TEPSIN: variants seen among roughly 807,000 people sequenced by gnomAD.
TEPSIN encodes AP-4 complex accessory subunit tepsin.
In TEPSIN, 50 loss-of-function variants were observed where a neutral mutation model predicts 48.5. That is an observed-to-expected ratio of 1.03 (90% confidence interval 0.82 to 1.31). The LOEUF is 1.31. TEPSIN is among the 50% of genes most tolerant of loss of function. The pLI, the probability that TEPSIN is intolerant of heterozygous loss-of-function variation, is 0.00. For missense variants in TEPSIN, 838 were observed against 815.9 expected (o/e 1.03, Z -0.33); for synonymous variants, 392 against 358.8 (o/e 1.09, Z -1.05).
chr17:81,231,033 ACGC>A (rs1299208431), intron 11 of TEPSIN: 4 of 443,170 alleles, frequency 9.0e-6, no homozygotes, highest in Admixed American at 4.4e-5. Flanking sequence ...ATTCCTCCGC[ACGC>A]CCCCCGACAC....
At position 81,236,965 on chromosome 17, in the gene TEPSIN, C is replaced by T. The variant is rs778701302; in HGVS notation, c.213+15G>A. On this transcript the variant is annotated intron_variant, in intron 3 of 12. Coordinates refer to ENST00000637944, the MANE Select transcript of TEPSIN (RefSeq NM_001363764.2). ...CCGGGCCTCAGGCCTGACCCTTGAC[C>T]ACCCAGGGGCTCACCTTGAGCTTCC... 7.0e-6 allele frequency: 11 copies of T among 1,562,626 alleles called. No homozygotes were observed. Among genetic ancestry groups the T allele is most frequent in the South Asian group, 1.2e-5 (1 of 85,504 alleles).
rs369241169 is a variant in TEPSIN at position 81,233,838 on chromosome 17, A to G, written c.376-122T>C. 5.3e-5 allele frequency: 73 copies of G among 1,368,298 alleles called. No homozygotes were observed. The East Asian group carries it at 6.1e-4, about 11-fold the overall frequency. 84.8% of individuals were successfully genotyped at this position (1,368,298 alleles called of 1,614,324 possible). A position where few individuals can be genotyped will look rare whatever the true frequency, so the allele number is the denominator to read the frequency against. The stretch of plus-strand genomic sequence containing the variant: ...TCTCCTGAGCCACTCAGCTGGACAC[A>G]GGCTCTGTGTCCACCAGCAAGGAGC... On this transcript the variant is annotated intron_variant, in intron 5 of 12. Transcript: ENST00000637944. The surrounding 1 kb of genome is among the most constrained non-coding windows in gnomAD (Gnocchi z 5.8).
In TEPSIN at chr17:81,230,716, C is replaced by A; in HGVS notation, c.1099-38G>T. On this transcript the variant is annotated intron_variant, in intron 11 of 12. Transcript: ENST00000637944. The surrounding 1 kb of genome is among the most constrained non-coding windows in gnomAD (Gnocchi z 4.2). ...GGAGGGGACATCAGCACCCATGGGG[C>A]AGCAGGTCCACGCCAGGGAGGCCTA... 6.7e-7 allele frequency: 1 copy of A among 1,487,506 alleles called. No individual in the cohort carries two copies. Among genetic ancestry groups the A allele is most frequent in the South Asian group, 1.4e-5 (1 of 73,364 alleles). The allele number at this position is 1,487,506 out of a possible 1,614,324, so 92.1% of individuals were successfully genotyped here.
intron 11 of TEPSIN, chr17:81,231,055 A>G (rs925813482): frequency 2.0e-6 from 1 of 508,950 alleles, no homozygotes; most frequent in Non-Finnish European, 3.5e-6. Context: ...ACACGCACAC[A>G]CGTGTCCACA....
In TEPSIN at chr17:81,230,195, T is replaced by C. The variant is rs2062560868; in HGVS notation, c.1233+349A>G. 3.4e-6 allele frequency: 1 copy of C among 290,552 alleles called. No homozygotes were observed. The highest frequency in any genetic ancestry group is 6.5e-6 in the Non-Finnish European group (1 of 152,908). 18.0% of individuals were successfully genotyped at this position (290,552 alleles called of 1,614,324 possible). ...TGGGAGTTGAGCATGAGCTGTGTCA[T>C]GGGTGGCAAACTGCATGTGCAGTCA... On this transcript the variant is annotated intron_variant, in intron 12 of 12. Transcript: ENST00000637944. The surrounding 1 kb of genome is among the most constrained non-coding windows in gnomAD (Gnocchi z 4.2).
Position 81,231,875 on chromosome 17 carries a change from T to C in TEPSIN, c.877A>G (p.Ser293Gly). 6.2e-7 allele frequency: 1 copy of C among 1,613,634 alleles called. No individual in the cohort carries two copies. The highest frequency in any genetic ancestry group is 8.5e-7 in the Non-Finnish European group (1 of 1,180,016). Reference sequence around the variant, plus strand: ...TCTGCCAGGTCACCCGGCTCCCGGCTGGCCCCTGAATGGCTGTCGCTGCCG... The same window carrying C: ...TCTGCCAGGTCACCCGGCTCCCGGCCGGCCCCTGAATGGCTGTCGCTGCCG... ...HSGSDSHSGASREPGDLAERV... is the reference protein window; with the variant it reads ...HSGSDSHSGAGREPGDLAERV... Residue 293 changes from serine to glycine, a missense_variant, in exon 9 of 13, where the codon AGC (serine) becomes GGC (glycine). Physicochemically the swap from Ser to Gly is moderately conservative, Grantham distance 56 (BLOSUM62 0). Transcript: ENST00000637944.
At position 81,236,804 on chromosome 17, in the gene TEPSIN, G is replaced by A. The variant is rs1012794750; in HGVS notation, c.214-3C>T. Reference sequence around the variant, plus strand: ...AGATAGAGCAGGATCTTCAGCACCTGGGGAGTGGGGCGGTCAGCAGTGCTG... The same window carrying A: ...AGATAGAGCAGGATCTTCAGCACCTAGGGAGTGGGGCGGTCAGCAGTGCTG... On this transcript the variant is annotated splice_region_variant and splice_polypyrimidine_tract_variant and intron_variant, in intron 3 of 12. Coordinates refer to ENST00000637944, the MANE Select transcript of TEPSIN (RefSeq NM_001363764.2). 6 of 1,561,424 alleles carry A rather than the reference G, an allele frequency of 3.8e-6. No homozygotes were observed. Among genetic ancestry groups the A allele is most frequent in the Middle Eastern group, 1.7e-4 (1 of 5,984 alleles).
At position 81,234,088 on chromosome 17, in the gene TEPSIN, C is replaced by G; in HGVS notation, c.308-40G>C. On this transcript the variant is annotated intron_variant, in intron 4 of 12. Transcript: ENST00000637944. This position sits in a 1 kb window ranked among gnomAD's most constrained non-coding sequence, Gnocchi z 5.4. The stretch of plus-strand genomic sequence containing the variant: ...AGGCAAGTCGGGGGCAGGGCTGAGC[C>G]TGGCACCGCTGCTCCCTGTGGAGCA... 1 of 1,530,086 alleles carries G rather than the reference C, an allele frequency of 6.5e-7. No homozygotes were observed. Among genetic ancestry groups the G allele is most frequent in the Non-Finnish European group, 8.8e-7 (1 of 1,141,748 alleles). The allele number at this position is 1,530,086 out of a possible 1,614,324, so 94.8% of individuals were successfully genotyped here.
At chr17:81,238,838 CA>C (rs2062773462) in intron 1 of TEPSIN, 147 bp downstream of exon 1, 1 of 1,349,434 alleles carries the variant, frequency 7.4e-7, no homozygotes. Flanking sequence ...GCGGGCAGCT[CA>C]GGGGCGTCGG....
At chr17:81,238,675 C>T (rs1222132286) in intron 1 of TEPSIN, 4 of 1,192,546 alleles carry the variant, frequency 3.4e-6, no homozygotes, top group African/African-American at 1.6e-5. Flanking sequence ...TCCACGTCCA[C>T]CGGGTCCGCC....
At position 81,235,081 on chromosome 17, in the gene TEPSIN, C is replaced by G. The variant is rs568026037; in HGVS notation, c.308-1033G>C. Among the ~76,000 whole-genome samples the G allele has an allele frequency of 2.0e-5, 3 of 152,286 alleles. No homozygotes were observed. In the South Asian group the frequency reaches 6.2e-4, roughly 32 times the overall value. On this transcript the variant is annotated intron_variant, in intron 4 of 12. Transcript: ENST00000637944. ...AGCTTCGAGAAAACCCACCTCCAGG[C>G]TGAAAAGATGCCTGCCCCAAGATAA...
chr17:81,231,684 C>T lies in TEPSIN; in HGVS notation c.913G>A (p.Val305Met). The change falls in exon 10 of 13, where the codon GTG (valine) becomes ATG (methionine). Residue 305 changes from valine (V) to methionine (M), a missense_variant. Val to Met is a conservative substitution (Grantham distance 21). Transcript: ENST00000637944. ...TGCTGACAGTCACTCAGGGCCACCA[C>T]CTCGACCCTGCCAGGGGGAATGGCC... is the stretch of plus-strand genomic sequence containing the variant. ...EPGDLAERVEVVALSDCQQEL... is the reference protein window; with the variant it reads ...EPGDLAERVEMVALSDCQQEL... 1.9e-6 allele frequency: 3 copies of T among 1,611,866 alleles called. No homozygotes were observed. Among genetic ancestry groups the T allele is most frequent in the Non-Finnish European group, 1.7e-6 (2 of 1,179,158 alleles).
intron 4 of TEPSIN, 60 bp downstream of exon 4, chr17:81,236,647 GC>G: frequency 6.7e-7 from 1 of 1,486,690 alleles, no homozygotes; most frequent in Admixed American, 2.0e-5. Context: ...TGGAGGATCC[GC>G]CACCCTCCCC....
Position 81,236,712 on chromosome 17 carries a change from A to C in TEPSIN, c.303T>G (p.Ala101=). 6.4e-7 allele frequency: 1 copy of C among 1,561,470 alleles called. No individual in the cohort carries two copies. The highest frequency in any genetic ancestry group is 8.7e-7 in the Non-Finnish European group (1 of 1,153,362). ...LKRNSAFIQE[A]AAFAGPPDPL... ...GCGCGTGCGCGGCCCCTGTACCTGC[A>C]GCTTCCTGGATGAAGGCAGAGTTGC... is the stretch of plus-strand genomic sequence containing the variant. Residue 101 remains alanine, a synonymous_variant, in exon 4 of 13, where the codon GCT becomes GCG. Coordinates refer to ENST00000637944, the MANE Select transcript of TEPSIN (RefSeq NM_001363764.2).
At position 81,232,717 on chromosome 17, in the gene TEPSIN, G is replaced by C. The variant is rs796840613; in HGVS notation, c.527-199C>G. 40 of 573,016 alleles carry C rather than the reference G, an allele frequency of 7.0e-5. 1 individual carries two copies. In the African/African-American group the frequency reaches 7.1e-4, roughly 10 times the overall value. The allele number at this position is 573,016 out of a possible 1,614,324, so 35.5% of individuals were successfully genotyped here. ...CTCCGCTTTGGCATTCCCACTCCCA[G>C]TGGGCCTGGACACCAAAGCTCACTG... On this transcript the variant is annotated intron_variant, in intron 7 of 12. Transcript: ENST00000637944.
At position 81,233,701 on chromosome 17, in the gene TEPSIN, G is replaced by C. The variant is rs1156637041; in HGVS notation, c.391C>G (p.Leu131Val). 3.8e-6 allele frequency: 6 copies of C among 1,599,500 alleles called. No individual in the cohort carries two copies. The highest frequency in any genetic ancestry group is 5.1e-6 in the Non-Finnish European group (6 of 1,175,308). ...AGCGGCAACACGGTGTCCGAGAACA[G>C]GGTGCTCCCCAAGTCCTACAGGGGG... ...RAAAQDLGSTLFSDTVLPLAP... is the reference protein window; with the variant it reads ...RAAAQDLGSTVFSDTVLPLAP... The change falls in exon 6 of 13, where the codon CTG (leucine) becomes GTG (valine). Residue 131 changes from leucine to valine, a missense_variant. Transcript: ENST00000637944. The surrounding 1 kb of genome is among the most constrained non-coding windows in gnomAD (Gnocchi z 5.8).
At chr17:81,238,141 C>A in intron 1 of TEPSIN, 1 of 985,576 alleles carries the variant, frequency 1.0e-6, no homozygotes, top group Non-Finnish European at 1.2e-6. Context: ...CGAAGCCTTT[C>A]GGTCGGAAGG....
Position 81,228,686 on chromosome 17 carries a change from CCCCTGAGAG to C in TEPSIN, c.*233_*241del, listed in dbSNP as rs1425135524. 5 of 580,592 alleles carry C rather than the reference CCCCTGAGAG, an allele frequency of 8.6e-6. No homozygotes were observed. The highest frequency in any genetic ancestry group is 1.2e-5 in the Non-Finnish European group (4 of 335,190). The allele number at this position is 580,592 out of a possible 1,614,324, so 36.0% of individuals were successfully genotyped here. A position where few individuals can be genotyped will look rare whatever the true frequency, so the allele number is the denominator to read the frequency against. On this transcript the variant is annotated 3_prime_UTR_variant, in exon 13 of 13. Transcript: ENST00000637944. ...TGAGAGCAAGACAGGCAGGGACTGCCCCCTGAGAGCCCTGAGATCGACATTTCTGAAGCC... is the reference window on the plus strand; with the variant it reads ...TGAGAGCAAGACAGGCAGGGACTGCCCCCTGAGATCGACATTTCTGAAGCC...
chr17:81,233,660 A>G lies in TEPSIN; in HGVS notation c.432T>C (p.Pro144=). The change falls in exon 6 of 13, where the codon CCT becomes CCC. Residue 144 remains proline (P), a synonymous_variant. Transcript: ENST00000637944. The surrounding 1 kb of genome is among the most constrained non-coding windows in gnomAD (Gnocchi z 5.8). ...TACCTGTGGCAGGCGGGGTCCCCAG[A>G]GGCTGGGAGGGAGCCAGCGGCAACA... ...DTVLPLAPSQ[P]LGTPPATGMG... is the part of the protein sequence containing the mutation. 6.2e-7 allele frequency: 1 copy of G among 1,601,542 alleles called. No homozygotes were observed. The highest frequency in any genetic ancestry group is 8.5e-7 in the Non-Finnish European group (1 of 1,176,112).
Sources: gnomAD v4.1 joint callset for allele counts (sites outside exome capture counted in the v4.1 genomes callset) on GRCh38, gnomAD v4.1.1 for gene constraint, Gnocchi (gnomAD v3.1) non-coding constraint, MANE v1.5 for transcripts, NCBI Gene and HGNC (gene_info 2026-07-23, HGNC 2026-07-21) for gene names.